The following RALYL variants were observed in gnomAD, a reference collection of about 807,000 sequenced individuals.
RALYL encodes RNA-binding Raly-like protein.
RALYL carries 29 observed loss-of-function variants against 35.1 expected under a neutral mutation model. That is an observed-to-expected ratio of 0.83 (90% confidence interval 0.61 to 1.13). The LOEUF (loss-of-function observed/expected upper bound fraction) is 1.13. RALYL is among the 50% of genes most tolerant of loss of function. The probability of loss-of-function intolerance (pLI) is 0.00; values close to 1 mark genes in which losing one functional copy is unlikely to be tolerated. For synonymous variants in RALYL, 120 were observed against 127.6 expected (o/e 0.94, Z 0.40); for missense variants, 359 against 360.4 (o/e 1.00, Z 0.03).
chr8:84,715,063 T>C (rs574006374), intron 2 of RALYL, among the ~76,000 whole-genome samples: 61 of 152,126 alleles, frequency 4.0e-4, no homozygotes, highest in African/African-American at 1.4e-3. Flanking sequence ...AGAAAGTATC[T>C]ACCTTCAACT....
intron 2 of RALYL, among the ~76,000 whole-genome samples, chr8:84,596,430 G>C (rs1001542354): frequency 6.6e-6 from 1 of 152,100 alleles, no homozygotes; most frequent in Non-Finnish European, 1.5e-5. Context: ...AGGAAATACT[G>C]GACAGGAACC....
intron 2 of RALYL, among the ~76,000 whole-genome samples, chr8:84,729,201 A>G (rs185899583): frequency 6.6e-6 from 1 of 152,136 alleles, no homozygotes; most frequent in African/African-American, 2.4e-5. Context: ...ATCCCTTGTA[A>G]GTTGGAACCT....
intron 2 of RALYL, among the ~76,000 whole-genome samples, chr8:84,698,318 C>G (rs545371906): frequency 5.3e-5 from 8 of 152,180 alleles, no homozygotes; most frequent in African/African-American, 1.4e-4. Flanking sequence ...AATTAGGGAA[C>G]TATTTTAATT....
intron 1 of RALYL, among the ~76,000 whole-genome samples, chr8:84,325,272 T>G (rs1284422763): frequency 2.0e-5 from 3 of 152,188 alleles, no homozygotes; most frequent in Non-Finnish European, 2.9e-5. Context: ...TTGCAGTTGT[T>G]CTCAATAGCC....
intron 1 of RALYL, among the ~76,000 whole-genome samples, chr8:84,236,708 A>C (rs889049397): frequency 1.3e-5 from 2 of 152,168 alleles, no homozygotes; most frequent in African/African-American, 4.8e-5. Context: ...ATACTTTTCC[A>C]ATCAATATCG....
At chr8:84,579,892 T>A (rs939628924) in intron 2 of RALYL, among the ~76,000 whole-genome samples, 2 of 152,182 alleles carry the variant, frequency 1.3e-5, no homozygotes, top group African/African-American at 2.4e-5. Flanking sequence ...TTAACTTTTC[T>A]TAGGAACCAA....
At chr8:84,319,159 G>T (rs1463465791) in intron 1 of RALYL, among the ~76,000 whole-genome samples, 3 of 152,082 alleles carry the variant, frequency 2.0e-5, no homozygotes, top group Non-Finnish European at 4.4e-5. Context: ...GAACTTGGTG[G>T]GTGTCTTGAA....
intron 1 of RALYL, among the ~76,000 whole-genome samples, chr8:84,326,583 TA>T (rs574292564): frequency 9.9e-4 from 151 of 152,338 alleles, no homozygotes; most frequent in African/African-American, 3.3e-3. Context: ...GGAATATTTT[TA>T]AATAACATTA....
chr8:84,520,812 C>T (rs1206561437), intron 1 of RALYL, among the ~76,000 whole-genome samples: 1 of 152,078 alleles, frequency 6.6e-6, no homozygotes, highest in African/African-American at 2.4e-5. Context: ...ACCACCTCAC[C>T]ATCTCTCACC....
At chr8:84,344,866 A>G (rs1429431456) in intron 1 of RALYL, among the ~76,000 whole-genome samples, 7 of 152,056 alleles carry the variant, frequency 4.6e-5, no homozygotes, top group Non-Finnish European at 8.8e-5. Context: ...GTTGCAAATT[A>G]TAGAATTTCC....
At chr8:84,868,887 T>G (rs1298591548) in intron 6 of RALYL, among the ~76,000 whole-genome samples, 1 of 152,162 alleles carries the variant, frequency 6.6e-6, no homozygotes, top group Non-Finnish European at 1.5e-5. Flanking sequence ...AAAACTATTT[T>G]CTAGACTAGC....
chr8:84,690,364 G>GTTT (rs1411895113), intron 2 of RALYL, among the ~76,000 whole-genome samples: 2 of 152,110 alleles, frequency 1.3e-5, no homozygotes, highest in Non-Finnish European at 2.9e-5. Context: ...GATGGTAGTT[G>GTTT]GCAGGGGCTG....
rs1015390290 is a variant in RALYL at position 84,882,789 on chromosome 8, TAGA to T, written c.686-4810_686-4808del. ...CATTGACAGTAAAAAGAGTGATGAC[TAGA>T]AGAATAACTATGCAAATAAAGAGAA... On this transcript the variant is annotated intron_variant, in intron 7 of 8. Transcript: ENST00000521268. 9.4e-4 allele frequency among the ~76,000 whole-genome samples: 142 copies of T among 151,316 alleles called. 3 individuals carry two copies. The highest frequency in any genetic ancestry group is 3.4e-3 in the African/African-American group (140 of 41,138).
chr8:84,326,968 G>A (rs779922939), intron 1 of RALYL, among the ~76,000 whole-genome samples: 1 of 152,142 alleles, frequency 6.6e-6, no homozygotes, highest in East Asian at 1.9e-4. Flanking sequence ...AGAATGGGGG[G>A]CAACTAGCTG....
chr8:84,770,424 C>T (rs1370417268), intron 2 of RALYL, among the ~76,000 whole-genome samples: 4 of 95,638 alleles, frequency 4.2e-5, no homozygotes, highest in Non-Finnish European at 7.4e-5. Flanking sequence ...ATATACACAC[C>T]ATAATTTCTT....
chr8:84,415,089 A>G (rs1055504394), intron 1 of RALYL, among the ~76,000 whole-genome samples: 1 of 150,004 alleles, frequency 6.7e-6, no homozygotes, highest in Admixed American at 6.7e-5. Context: ...GGTTATTGTG[A>G]TTTCTTACTA....
At position 84,289,392 on chromosome 8, in the gene RALYL, C is replaced by T. The variant is rs560569537; in HGVS notation, c.-24+104968C>T. On this transcript the variant is annotated intron_variant, in intron 1 of 8. Coordinates refer to ENST00000521268, the MANE Select transcript of RALYL (RefSeq NM_173848.7). ...GGGCCTAGTCAGAAGGAAGCAGGTA[C>T]GGAGTTTTTCCAAGCTGAGGAGAAC... 4.6e-5 allele frequency among the ~76,000 whole-genome samples: 7 copies of T among 152,226 alleles called. No homozygotes were observed. The South Asian group carries it at 8.3e-4, about 18-fold the overall frequency.
At chr8:84,305,112 C>T (rs2132427390) in intron 1 of RALYL, among the ~76,000 whole-genome samples, 1 of 152,104 alleles carries the variant, frequency 6.6e-6, no homozygotes, top group Non-Finnish European at 1.5e-5. Context: ...AAGCTTAATA[C>T]CTAAAAGATG....
chr8:84,913,040 G>GTAGGTAGATAGATAGA (rs372305617), intron 8 of RALYL, among the ~76,000 whole-genome samples: 2,680 of 130,028 alleles, frequency 0.021, 36 homozygotes, highest in African/African-American at 0.026. Flanking sequence ...GGATAGGTAG[G>GTAGGTAGATAGATAGA]TAGATAGATA....
Sources: allele counts gnomAD v4.1 joint callset (sites outside exome capture counted in the v4.1 genomes callset), GRCh38; gene constraint gnomAD v4.1.1; transcripts MANE v1.5; gene names NCBI Gene and HGNC (gene_info 2026-07-23, HGNC 2026-07-21).